Variants in DDAH1 observed in about 807,000 individuals in gnomAD.
DDAH1 encodes the protein N(G),N(G)-dimethylarginine dimethylaminohydrolase 1.
In DDAH1, 19 loss-of-function variants were observed where a neutral mutation model predicts 28.8. The observed-to-expected ratio is 0.66, with a 90% CI of 0.46 to 0.97. The LOEUF is 0.97. Among genes scored for constraint, DDAH1 ranks in the 50% least tolerant of loss-of-function variants. DDAH1 has a pLI of 0.00. For missense variants in DDAH1, 326 were observed against 375.9 expected (o/e 0.87, Z 1.10); for synonymous variants, 153 against 154.4 (o/e 0.99, Z 0.07).
chr1:85,406,721 C>T (rs906668360), intron 1 of DDAH1, among the ~76,000 whole-genome samples: 1 of 152,022 alleles, frequency 6.6e-6, no homozygotes, highest in African/African-American at 2.4e-5. Flanking sequence ...AAATATACTC[C>T]TTTAGTTTTT....
chr1:85,549,896 C>T (rs1446257776), intron 1 of DDAH1, among the ~76,000 whole-genome samples: 2 of 152,128 alleles, frequency 1.3e-5, no homozygotes, highest in Non-Finnish European at 2.9e-5. Context: ...ATATCATTAA[C>T]ACTTCGACTG....
Position 85,416,864 on chromosome 1 carries a change from C to T in DDAH1, c.303+47879G>A, listed in dbSNP as rs867036663. Among the ~76,000 whole-genome samples, 18 of 151,832 alleles carry T rather than the reference C, an allele frequency of 1.2e-4. No homozygotes were observed. In the East Asian group the frequency reaches 2.1e-3, roughly 18 times the overall value. On this transcript the variant is annotated intron_variant, in intron 1 of 5. Transcript: ENST00000284031. Reference sequence around the variant, plus strand: ...TGTTTTTTTTGTAGAGACGGGGTTTCGCCATGTTGCCCAGGCTGGTCTCGA... The same window carrying T: ...TGTTTTTTTTGTAGAGACGGGGTTTTGCCATGTTGCCCAGGCTGGTCTCGA...
At chr1:85,397,869 C>A (rs1478531406) in intron 1 of DDAH1, among the ~76,000 whole-genome samples, 1 of 152,156 alleles carries the variant, frequency 6.6e-6, no homozygotes, top group Admixed American at 6.6e-5. Flanking sequence ...CTATGTGACT[C>A]TACTGACTCC....
intron 2 of DDAH1, among the ~76,000 whole-genome samples, chr1:85,484,037 G>C (rs1406534004): frequency 6.6e-6 from 1 of 152,128 alleles, no homozygotes; most frequent in Non-Finnish European, 1.5e-5. Flanking sequence ...AGAATATCAA[G>C]AAGTATGTGG....
intron 5 of DDAH1, 43 bp downstream of exon 5, chr1:85,324,697 G>T (rs369318140): frequency 1.2e-6 from 2 of 1,609,164 alleles, no homozygotes; most frequent in East Asian, 4.5e-5. Flanking sequence ...AATCCCCAGG[G>T]AGGCTGACCC....
chr1:85,481,097 T>TG (rs201691503), intron 2 of DDAH1, among the ~76,000 whole-genome samples: 11,237 of 115,770 alleles, frequency 0.097, 596 homozygotes, highest in Middle Eastern at 0.14. Context: ...TTGGGTTTTT[T>TG]GTTTTTTTTT....
intron 1 of DDAH1, among the ~76,000 whole-genome samples, chr1:85,443,047 A>T (rs978286237): frequency 4.6e-5 from 7 of 152,062 alleles, no homozygotes; most frequent in African/African-American, 1.7e-4. Flanking sequence ...CCCATTTGTC[A>T]ATTTTGGCTT....
chr1:85,334,767 T>C (rs573040542), intron 4 of DDAH1, among the ~76,000 whole-genome samples: 1 of 131,952 alleles, frequency 7.6e-6, no homozygotes, highest in East Asian at 2.1e-4. Context: ...TAGTTCTTTA[T>C]AGCAAAGTGA....
At chr1:85,389,320 T>C (rs1473783532) in intron 1 of DDAH1, among the ~76,000 whole-genome samples, 1 of 152,138 alleles carries the variant, frequency 6.6e-6, no homozygotes, top group Non-Finnish European at 1.5e-5. Context: ...ATGAATAAAA[T>C]GATGTTTATA....
chr1:85,570,731 G>C (rs998787704), intron 1 of DDAH1, among the ~76,000 whole-genome samples: 2 of 152,146 alleles, frequency 1.3e-5, no homozygotes, highest in Non-Finnish European at 2.9e-5. Flanking sequence ...GAATGTTCAC[G>C]TGATGGCAAT....
chr1:85,456,915 G>A (rs1052598121), intron 1 of DDAH1, among the ~76,000 whole-genome samples: 1 of 152,088 alleles, frequency 6.6e-6, no homozygotes, highest in Non-Finnish European at 1.5e-5. Flanking sequence ...AAATGTTTAA[G>A]TTTCAGACTT....
At chr1:85,411,251 T>A (rs952638485) in intron 1 of DDAH1, among the ~76,000 whole-genome samples, 1 of 152,208 alleles carries the variant, frequency 6.6e-6, no homozygotes, top group Non-Finnish European at 1.5e-5. Flanking sequence ...AATAAATTGT[T>A]ATGAATTGCC....
At chr1:85,463,735 GA>G (rs547432212) in intron 1 of DDAH1, among the ~76,000 whole-genome samples, 3 of 151,386 alleles carry the variant, frequency 2.0e-5, no homozygotes, top group East Asian at 1.9e-4. Flanking sequence ...AGACAAAATA[GA>G]AAAAAAATTC....
intron 1 of DDAH1, among the ~76,000 whole-genome samples, chr1:85,440,299 C>T (rs1285679262): frequency 6.6e-6 from 1 of 152,060 alleles, no homozygotes; most frequent in South Asian, 2.1e-4. Flanking sequence ...ATTTTTTTAG[C>T]GGGGTGAGCC....
chr1:85,555,344 A>G (rs1658930054), intron 1 of DDAH1, among the ~76,000 whole-genome samples: 1 of 152,252 alleles, frequency 6.6e-6, no homozygotes, highest in African/African-American at 2.4e-5. Context: ...CCAAGTGTCA[A>G]TAAGTTTAGT....
At chr1:85,403,237 GTATA>G (rs1553130793) in intron 1 of DDAH1, among the ~76,000 whole-genome samples, 2 of 53,186 alleles carry the variant, frequency 3.8e-5, no homozygotes, top group Non-Finnish European at 8.5e-5. Flanking sequence ...ATATATGTGT[GTATA>G]TATACACACA....
chr1:85,382,691 C>A (rs1651053633), intron 1 of DDAH1, among the ~76,000 whole-genome samples: 1 of 152,188 alleles, frequency 6.6e-6, no homozygotes, highest in South Asian at 2.1e-4. Flanking sequence ...GGCTTCAAAG[C>A]TTCAAAACAC....
chr1:85,343,224 C>T (rs1300867653), intron 4 of DDAH1, among the ~76,000 whole-genome samples: 2 of 152,164 alleles, frequency 1.3e-5, no homozygotes, highest in African/African-American at 2.4e-5. Flanking sequence ...TCCCTTTCTC[C>T]TACTTGGCCA....
chr1:85,434,673 T>G (rs2100641817), intron 1 of DDAH1, among the ~76,000 whole-genome samples: 1 of 152,278 alleles, frequency 6.6e-6, no homozygotes, highest in East Asian at 1.9e-4. Flanking sequence ...ATTACAGGAA[T>G]TAGCCACCAT....
Sources: allele counts gnomAD v4.1 joint callset (sites outside exome capture counted in the v4.1 genomes callset), GRCh38; gene constraint gnomAD v4.1.1; transcripts MANE v1.5; gene names NCBI Gene and HGNC (gene_info 2026-07-23, HGNC 2026-07-21).